WDR70: variants seen among roughly 807,000 people sequenced by gnomAD.
WDR70 encodes the protein WD repeat-containing protein 70.
A neutral mutation model predicts 88.6 loss-of-function variants in WDR70; 53 were observed. That is an observed-to-expected ratio of 0.60 (90% CI 0.48 to 0.75). The LOEUF is 0.75. WDR70 is among the 30% of genes least tolerant of loss of function. The probability of loss-of-function intolerance (pLI) is 0.00; values close to 1 mark genes in which losing one functional copy is unlikely to be tolerated. For missense variants in WDR70, 610 were observed against 823.2 expected, an observed-to-expected ratio of 0.74 and a Z score of 3.17; for synonymous variants, 280 against 270.0, an observed-to-expected ratio of 1.04 and a Z score of -0.36.
At chr5:37,389,161 T>C (rs111666673) in intron 3 of WDR70, among the ~76,000 whole-genome samples, 18,702 of 149,674 alleles carry the variant, frequency 0.12, 3,894 homozygotes, top group African/African-American at 0.43. Context: ...GGTACTATCT[T>C]GGCTTACTGC....
At chr5:37,720,584 G>A (rs926433069) in intron 13 of WDR70, among the ~76,000 whole-genome samples, 2 of 152,156 alleles carry the variant, frequency 1.3e-5, no homozygotes, top group Admixed American at 1.3e-4. Context: ...TACTTCTGCT[G>A]TTGTCCTGCT....
chr5:37,689,196 G>A (rs183117766), intron 10 of WDR70, among the ~76,000 whole-genome samples: 2 of 152,256 alleles, frequency 1.3e-5, no homozygotes, highest in African/African-American at 4.8e-5. Context: ...CTTGAACTGG[G>A]TGGAGCCCAC....
intron 10 of WDR70, among the ~76,000 whole-genome samples, chr5:37,642,417 G>A (rs1164098855): frequency 6.6e-6 from 1 of 152,074 alleles, no homozygotes; most frequent in East Asian, 1.9e-4. Context: ...TAATTTTCAT[G>A]GGTACATAGT....
rs752081386 is a variant in WDR70 at position 37,443,333 on chromosome 5, C to T, written c.647C>T (p.Ala216Val). 2 of 1,613,752 alleles carry T rather than the reference C, an allele frequency of 1.2e-6. No homozygotes were observed. Among genetic ancestry groups the T allele is most frequent in the Admixed American group, 1.7e-5 (1 of 59,984 alleles). ...TTTTGGGATTTTGCTGGAATGGATGCTTCTTTTAAGGCATTTCGATCCCTT... is the reference window on the plus strand; with the variant it reads ...TTTTGGGATTTTGCTGGAATGGATGTTTCTTTTAAGGCATTTCGATCCCTT... The part of the protein sequence containing the change: ...VKFWDFAGMD[A>V]SFKAFRSLQP... Residue 216 changes from alanine (A) to valine (V), a missense_variant, in exon 7 of 18, where the codon GCT becomes GTT. Physicochemically the swap from Ala to Val is moderately conservative, Grantham distance 64. Around this residue, in one of 4 missense-constraint regions of WDR70, gnomAD observed 83 missense variants for 155.3 expected, o/e 0.53. Transcript: ENST00000265107.
intron 5 of WDR70, among the ~76,000 whole-genome samples, chr5:37,415,420 C>A (rs2111970804): frequency 1.0e-5 from 1 of 99,456 alleles, no homozygotes; most frequent in East Asian, 3.0e-4. Context: ...GCTGACCCCC[C>A]CACCTCCCTC....
chr5:37,747,433 TTAGA>T (rs1748666152), intron 17 of WDR70, among the ~76,000 whole-genome samples: 1 of 152,160 alleles, frequency 6.6e-6, no homozygotes, highest in African/African-American at 2.4e-5. Flanking sequence ...AGAAAAGGCC[TTAGA>T]TAAAATTCAA....
At chr5:37,685,709 CCTA>C (rs1384741288) in intron 10 of WDR70, among the ~76,000 whole-genome samples, 1 of 152,158 alleles carries the variant, frequency 6.6e-6, no homozygotes, top group African/African-American at 2.4e-5. Flanking sequence ...GCACGCTGCC[CCTA>C]CTACTTTTCT....
chr5:37,515,366 C>T (rs1039385987), intron 8 of WDR70, among the ~76,000 whole-genome samples: 5 of 152,288 alleles, frequency 3.3e-5, no homozygotes, highest in African/African-American at 7.2e-5. Context: ...CTGTTGTGTT[C>T]GAGATGCCTA....
intron 9 of WDR70, among the ~76,000 whole-genome samples, chr5:37,601,859 G>A (rs1029735183): frequency 6.6e-6 from 1 of 152,120 alleles, no homozygotes; most frequent in Non-Finnish European, 1.5e-5. Flanking sequence ...AGAAAATGTG[G>A]CACATATACA....
chr5:37,663,036 A>C (rs1165831573), intron 10 of WDR70, among the ~76,000 whole-genome samples: 2 of 152,206 alleles, frequency 1.3e-5, no homozygotes, highest in East Asian at 1.9e-4. Flanking sequence ...ACCAATAAAC[A>C]TTTGCTTCAA....
intron 3 of WDR70, among the ~76,000 whole-genome samples, chr5:37,390,095 T>C (rs1402719650): frequency 6.6e-6 from 1 of 152,148 alleles, no homozygotes; most frequent in Non-Finnish European, 1.5e-5. Context: ...TTGAGGATGG[T>C]GGCAATTGAG....
At chr5:37,433,320 C>T (rs1165725431) in intron 5 of WDR70, among the ~76,000 whole-genome samples, 1 of 152,134 alleles carries the variant, frequency 6.6e-6, no homozygotes, top group African/African-American at 2.4e-5. Context: ...CTTGGCCTTA[C>T]AAAGTACTGG....
intron 9 of WDR70, among the ~76,000 whole-genome samples, chr5:37,576,590 T>C (rs1455057890): frequency 6.6e-6 from 1 of 152,178 alleles, no homozygotes; most frequent in Non-Finnish European, 1.5e-5. Context: ...CTTTTTAATT[T>C]TTAATTAATT....
intron 9 of WDR70, among the ~76,000 whole-genome samples, chr5:37,562,085 C>T (rs1452436218): frequency 3.3e-5 from 5 of 152,160 alleles, no homozygotes; most frequent in East Asian, 1.9e-4. Context: ...AGGCTGGGCG[C>T]GGTGGCTCAT....
At chr5:37,734,993 A>G (rs1055160894) in intron 17 of WDR70, among the ~76,000 whole-genome samples, 2 of 152,108 alleles carry the variant, frequency 1.3e-5, no homozygotes, top group Admixed American at 1.3e-4. Flanking sequence ...TGTACCCTCA[A>G]ACTGTTTTGA....
intron 7 of WDR70, among the ~76,000 whole-genome samples, chr5:37,471,518 G>A (rs980655989): frequency 1.1e-4 from 16 of 150,974 alleles, no homozygotes; most frequent in South Asian, 4.2e-4. Context: ...AGGGACTTTC[G>A]TTGGTTAAAT....
At chr5:37,507,917 T>C (rs1349235881) in intron 8 of WDR70, among the ~76,000 whole-genome samples, 1 of 152,180 alleles carries the variant, frequency 6.6e-6, no homozygotes, top group African/African-American at 2.4e-5. Flanking sequence ...CATTGTGTCT[T>C]GGAATGAATG....
chr5:37,730,202 A>G (rs1748104443), intron 17 of WDR70, among the ~76,000 whole-genome samples: 1 of 152,128 alleles, frequency 6.6e-6, no homozygotes, highest in Non-Finnish European at 1.5e-5. Context: ...ATTATCCACA[A>G]AGTAGTTGGT....
chr5:37,536,426 G>C (rs1248807545), intron 9 of WDR70, among the ~76,000 whole-genome samples: 2 of 152,088 alleles, frequency 1.3e-5, no homozygotes, highest in African/African-American at 2.4e-5. Flanking sequence ...TACCTGAAAT[G>C]CTGGGGACCA....
Sources: gnomAD v4.1 joint callset for allele counts (sites outside exome capture counted in the v4.1 genomes callset) on GRCh38, gnomAD v4.1.1 for gene constraint, gnomAD v4.1.1 regional missense constraint, MANE v1.5 for transcripts, NCBI Gene and HGNC (gene_info 2026-07-23, HGNC 2026-07-21) for gene names.